Variants in RAB10 observed in about 807,000 individuals in gnomAD.
RAB10 encodes the protein RAB10, member RAS oncogene family.
A neutral mutation model predicts 25.7 loss-of-function variants in RAB10; 5 were observed. That is an observed-to-expected ratio of 0.19 (90% CI 0.10 to 0.41). The LOEUF (loss-of-function observed/expected upper bound fraction) is 0.41. Among genes scored for constraint, RAB10 ranks in the 10% least tolerant of loss-of-function variants. RAB10 has a pLI of 1.00. For missense variants in RAB10, 103 were observed against 245.8 expected, an observed-to-expected ratio of 0.42 and a Z score of 3.89; for synonymous variants, 89 against 86.4, an observed-to-expected ratio of 1.03 and a Z score of -0.16.
chr2:26,078,431 G>A (rs574293029), intron 1 of RAB10, among the ~76,000 whole-genome samples: 13 of 152,290 alleles, frequency 8.5e-5, no homozygotes, highest in South Asian at 4.1e-4. Flanking sequence ...GAAAGCTGTG[G>A]TAATAAGACA....
intron 1 of RAB10, among the ~76,000 whole-genome samples, chr2:26,074,262 A>G (rs766951022): frequency 6.6e-5 from 10 of 152,180 alleles, no homozygotes; most frequent in Non-Finnish European, 1.2e-4. Flanking sequence ...TAGATTATAA[A>G]TGGTGGAATG....
chr2:26,128,136 G>C (rs909357766), intron 5 of RAB10, among the ~76,000 whole-genome samples, 185 bp downstream of exon 5: 2 of 152,168 alleles, frequency 1.3e-5, no homozygotes, highest in Non-Finnish European at 2.9e-5. Flanking sequence ...TCCATGGACC[G>C]TACTGGGGGG....
At chr2:26,074,917 G>C (rs935854873) in intron 1 of RAB10, among the ~76,000 whole-genome samples, 2 of 152,170 alleles carry the variant, frequency 1.3e-5, no homozygotes, top group African/African-American at 4.8e-5. Flanking sequence ...TGCTTGGAAC[G>C]GGTCTGGCAT....
intron 1 of RAB10, among the ~76,000 whole-genome samples, chr2:26,056,662 C>G (rs1221732001): frequency 6.6e-6 from 1 of 152,142 alleles, no homozygotes; most frequent in Non-Finnish European, 1.5e-5. Context: ...GATTCTAGGT[C>G]TGTCACCCTG....
chr2:26,049,164 G>A (rs979604864), intron 1 of RAB10, among the ~76,000 whole-genome samples: 3 of 149,956 alleles, frequency 2.0e-5, no homozygotes, highest in South Asian at 2.1e-4. Context: ...TGTATATGGT[G>A]GGGGGTTTAG....
intron 1 of RAB10, among the ~76,000 whole-genome samples, chr2:26,038,539 A>G (rs567555373): frequency 1.3e-4 from 20 of 152,250 alleles, no homozygotes; most frequent in African/African-American, 4.6e-4. Flanking sequence ...ATGTTTTCAC[A>G]TATAAGATGT....
chr2:26,038,578 A>G (rs1191276857), intron 1 of RAB10, among the ~76,000 whole-genome samples: 1 of 152,166 alleles, frequency 6.6e-6, no homozygotes, highest in Non-Finnish European at 1.5e-5. Flanking sequence ...AAAATAAATG[A>G]TTCTGAGTAC....
intron 1 of RAB10, among the ~76,000 whole-genome samples, chr2:26,061,092 CTTTTT>C (rs5829993): frequency 5.4e-4 from 45 of 83,642 alleles, no homozygotes; most frequent in African/African-American, 1.4e-3. Context: ...TTATCTCTGT[CTTTTT>C]TTTTTTTTTT....
In RAB10 at chr2:26,136,634, G is replaced by A. The variant is rs1668118628; in HGVS notation, c.*1613G>A. The A allele has an allele frequency of 6.6e-6, 1 of 152,624 alleles. No individual in the cohort carries two copies. The highest frequency in any genetic ancestry group is 6.5e-5 in the Admixed American group (1 of 15,276). The allele number at this position is 152,624 out of a possible 1,614,324, so 9.5% of individuals were successfully genotyped here. A position where few individuals can be genotyped will look rare whatever the true frequency, so the allele number is the denominator to read the frequency against. ...ACCTTTGTTGAAAGAATTGTGAATA[G>A]CATGATTCATTTCTAGCAGAGGCTG... On this transcript the variant is annotated 3_prime_UTR_variant, in exon 6 of 6. Transcript: ENST00000264710.
At chr2:26,081,949 G>A (rs114856231) in intron 1 of RAB10, among the ~76,000 whole-genome samples, 3,707 of 152,118 alleles carry the variant, frequency 0.024, 150 homozygotes, top group African/African-American at 0.085. Context: ...GTTAAAGGAA[G>A]TGTTTTAGCC....
chr2:26,090,481 C>T (rs1667077441), intron 1 of RAB10, among the ~76,000 whole-genome samples: 1 of 124,558 alleles, frequency 8.0e-6, no homozygotes, highest in Non-Finnish European at 1.7e-5. Flanking sequence ...GAAGTAGATT[C>T]TTTTAGTTCT....
chr2:26,048,926 G>A (rs1209225431), intron 1 of RAB10, among the ~76,000 whole-genome samples: 2 of 152,130 alleles, frequency 1.3e-5, no homozygotes, highest in African/African-American at 4.8e-5. Context: ...TTTTCTTCCA[G>A]TCTGTAGCTT....
chr2:26,072,185 G>T (rs939895977), intron 1 of RAB10, among the ~76,000 whole-genome samples: 6 of 152,006 alleles, frequency 3.9e-5, no homozygotes, highest in Non-Finnish European at 1.5e-5. Context: ...TTGGGAGGCC[G>T]AGGCGGCTGG....
At chr2:26,087,136 C>CA (rs1282779511) in intron 1 of RAB10, among the ~76,000 whole-genome samples, 1 of 151,696 alleles carries the variant, frequency 6.6e-6, no homozygotes, top group Non-Finnish European at 1.5e-5. Flanking sequence ...AATTTTACCT[C>CA]AAAAAATAAA....
At chr2:26,098,109 C>CTTTTTTTTTTTTTTTTTTTTTTTTTTTTT (rs57174956) in intron 1 of RAB10, among the ~76,000 whole-genome samples, 13 of 52,724 alleles carry the variant, frequency 2.5e-4, no homozygotes, top group African/African-American at 4.6e-4. Context: ...TTCTTTCTTT[C>CTTTTTTTTTTTTTTTTTTTTTTTTTTTTT]TTTTTTTTTT....
chr2:26,042,337 T>C (rs2149261413), intron 1 of RAB10, among the ~76,000 whole-genome samples: 1 of 152,212 alleles, frequency 6.6e-6, no homozygotes, highest in East Asian at 1.9e-4. Context: ...AACCTGCATT[T>C]AAGAAATGAT....
At chr2:26,091,986 A>T (rs1312550475) in intron 1 of RAB10, among the ~76,000 whole-genome samples, 1 of 152,090 alleles carries the variant, frequency 6.6e-6, no homozygotes, top group East Asian at 1.9e-4. Flanking sequence ...AGCCTGGCCA[A>T]CATGGTGAAA....
At chr2:26,101,438 G>C (rs569268330) in intron 2 of RAB10, 1 of 152,452 alleles carries the variant, frequency 6.6e-6, no homozygotes, top group Non-Finnish European at 1.5e-5. Context: ...TTCTTGAGGT[G>C]TTGGGGATGA....
chr2:26,058,809 T>C (rs1164570181), intron 1 of RAB10, among the ~76,000 whole-genome samples: 1 of 152,228 alleles, frequency 6.6e-6, no homozygotes, highest in East Asian at 1.9e-4. Flanking sequence ...CTTCCCTTTC[T>C]ATCCTATAAT....
Sources: allele counts gnomAD v4.1 joint callset (sites outside exome capture counted in the v4.1 genomes callset), GRCh38; gene constraint gnomAD v4.1.1; transcripts MANE v1.5; gene names NCBI Gene and HGNC (gene_info 2026-07-23, HGNC 2026-07-21).